Variants in IGF1R observed in about 807,000 individuals in gnomAD.
IGF1R encodes the protein insulin-like growth factor 1 receptor.
Under a neutral mutation model 144.6 loss-of-function variants are expected in IGF1R, and 44 were observed. That is an observed-to-expected ratio of 0.30 (90% CI 0.24 to 0.39). IGF1R has a LOEUF of 0.39. Ranked by LOEUF, IGF1R falls within the 10% of genes least tolerant of loss-of-function variation. The pLI is 1.00. For missense variants in IGF1R, 1,355 were observed against 1,833.7 expected (o/e 0.74, Z 4.77); for synonymous variants, 795 against 722.8 (o/e 1.10, Z -1.60).
chr15:98,778,199 A>C (rs2055768694), intron 2 of IGF1R, among the ~76,000 whole-genome samples: 1 of 152,192 alleles, frequency 6.6e-6, no homozygotes, highest in Non-Finnish European at 1.5e-5. Context: ...GAAGATGCAA[A>C]GCCTGTACGT....
Position 98,707,854 on chromosome 15 carries a change from G to A in IGF1R, c.387G>A (p.Gly129=). The A allele has an allele frequency of 2.5e-6, 4 of 1,614,162 alleles. No homozygotes were observed. Among genetic ancestry groups the A allele is most frequent in the Non-Finnish European group, 3.4e-6 (4 of 1,180,010 alleles). ...IFEMTNLKDI[G]LYNLRNITRG... ...AGATGACCAATCTCAAGGATATTGG[G>A]CTTTACAACCTGAGGAACATTACTC... The change falls in exon 2 of 21, where the codon GGG becomes GGA. Residue 129 remains glycine (G), a synonymous_variant. Transcript: ENST00000650285. The surrounding 1 kb of genome is among the most constrained non-coding windows in gnomAD (Gnocchi z 6.7).
chr15:98,674,124 G>C (rs2141201779), intron 1 of IGF1R, among the ~76,000 whole-genome samples: 1 of 68,102 alleles, frequency 1.5e-5, no homozygotes, highest in East Asian at 7.1e-4. Context: ...TTGAGAGAGT[G>C]GGTTTCAGAC....
chr15:98,924,222 C>G (rs2015613129), intron 12 of IGF1R, among the ~76,000 whole-genome samples: 2 of 152,258 alleles, frequency 1.3e-5, no homozygotes, highest in African/African-American at 2.4e-5. Context: ...TTTTTGCCCT[C>G]AAGAAACGAT....
intron 13 of IGF1R, among the ~76,000 whole-genome samples, chr15:98,928,449 C>T (rs2015811618): frequency 6.6e-6 from 1 of 152,220 alleles, no homozygotes; most frequent in African/African-American, 2.4e-5. Context: ...CGAATCTGAT[C>T]AGTTCACTGC....
chr15:98,878,886 C>T (rs1044244383), intron 2 of IGF1R, among the ~76,000 whole-genome samples: 9 of 151,968 alleles, frequency 5.9e-5, no homozygotes, highest in Non-Finnish European at 7.4e-5. Flanking sequence ...ATCCCAGCTA[C>T]TCGGGAAGCT....
chr15:98,896,807 A>C lies in IGF1R; in HGVS notation c.1004A>C (p.Glu335Ala), dbSNP rs775187230. 1 of 1,614,026 alleles carries C rather than the reference A, an allele frequency of 6.2e-7. No individual in the cohort carries two copies. ...CCTTGCCCGAAGGTCTGTGAGGAAG[A>C]AAAGAAAACAAAGACCATTGATTCT... ...EGPCPKVCEE[E>A]KKTKTIDSVT... Residue 335 changes from glutamate (E) to alanine (A), a missense_variant, in exon 4 of 21, where the codon GAA (glutamate) becomes GCA (alanine). Around this residue, in one of 7 missense-constraint regions of IGF1R, gnomAD observed 880 missense variants for 1,202.7 expected, o/e 0.73. Coordinates refer to ENST00000650285, the MANE Select transcript of IGF1R (RefSeq NM_000875.5).
chr15:98,791,931 A>G (rs763228303), intron 2 of IGF1R, among the ~76,000 whole-genome samples: 1 of 152,240 alleles, frequency 6.6e-6, no homozygotes, highest in Non-Finnish European at 1.5e-5. Context: ...AATCTGCTCT[A>G]ATATCCTCCA....
At position 98,960,151 on chromosome 15, in the gene IGF1R, A is replaced by G. The variant is rs1412573464; in HGVS notation, c.*2709A>G. The G allele has an allele frequency of 8.6e-6, 2 of 233,620 alleles. No individual in the cohort carries two copies. The highest frequency in any genetic ancestry group is 1.7e-5 in the Non-Finnish European group (2 of 118,060). 14.5% of individuals were successfully genotyped at this position (233,620 alleles called of 1,614,324 possible). The stretch of plus-strand genomic sequence containing the variant: ...CTGACAATAGGCCGTTGATACTGGT[A>G]ACCTCATCCACGCCACAGGCGCCAC... On this transcript the variant is annotated 3_prime_UTR_variant, in exon 21 of 21. Transcript: ENST00000650285.
intron 2 of IGF1R, among the ~76,000 whole-genome samples, chr15:98,850,349 C>T (rs1055373538): frequency 1.3e-5 from 2 of 152,190 alleles, no homozygotes; most frequent in African/African-American, 4.8e-5. Flanking sequence ...CAGAGAAGGA[C>T]CCTGTGGCAG....
chr15:98,788,060 C>CTGTG (rs1275022774), intron 2 of IGF1R, among the ~76,000 whole-genome samples: 43 of 130,708 alleles, frequency 3.3e-4, no homozygotes, highest in East Asian at 9.2e-4. Context: ...CTCTCTCTCT[C>CTGTG]TCTGTGTGTG....
intron 2 of IGF1R, among the ~76,000 whole-genome samples, chr15:98,748,490 A>G (rs2054924615): frequency 6.6e-6 from 1 of 152,174 alleles, no homozygotes; most frequent in Non-Finnish European, 1.5e-5. Context: ...ACACTTTCAC[A>G]CCTTTTAATT....
intron 2 of IGF1R, among the ~76,000 whole-genome samples, chr15:98,866,111 C>T (rs1285121160): frequency 1.3e-5 from 2 of 152,210 alleles, no homozygotes; most frequent in Admixed American, 6.5e-5. Context: ...AGGATACGTG[C>T]GGGCGTTCTC....
At chr15:98,788,427 A>C (rs559811188) in intron 2 of IGF1R, among the ~76,000 whole-genome samples, 1 of 152,200 alleles carries the variant, frequency 6.6e-6, no homozygotes, top group African/African-American at 2.4e-5. Flanking sequence ...TTGTCTGCTA[A>C]GTCACAGGCT....
chr15:98,961,508 C>T lies in IGF1R; in HGVS notation c.*4066C>T, dbSNP rs553790158. On this transcript the variant is annotated 3_prime_UTR_variant, in exon 21 of 21. Transcript: ENST00000650285. Reference sequence around the variant, plus strand: ...TCATCTATCCACAGTTCTAGCCTAACTTCATGCTGATTTCTCTGCCTCTTG... The same window carrying T: ...TCATCTATCCACAGTTCTAGCCTAATTTCATGCTGATTTCTCTGCCTCTTG... The T allele has an allele frequency of 8.6e-6, 2 of 233,618 alleles. No homozygotes were observed. The highest frequency in any genetic ancestry group is 3.6e-4 in the South Asian group (2 of 5,528). The allele number at this position is 233,618 out of a possible 1,614,324, so 14.5% of individuals were successfully genotyped here.
At chr15:98,926,749 C>T (rs2015736906) in intron 13 of IGF1R, among the ~76,000 whole-genome samples, 1 of 152,148 alleles carries the variant, frequency 6.6e-6, no homozygotes, top group African/African-American at 2.4e-5. Context: ...TGGCACTGTT[C>T]CTGGGTTCAG....
At position 98,864,799 on chromosome 15, in the gene IGF1R, T is replaced by G. The variant is rs577342238; in HGVS notation, c.641-26526T>G. 2.0e-5 allele frequency among the ~76,000 whole-genome samples: 3 copies of G among 152,380 alleles called. No individual in the cohort carries two copies. In the South Asian group the frequency reaches 6.2e-4, roughly 32 times the overall value. On this transcript the variant is annotated intron_variant, in intron 2 of 20. Coordinates refer to ENST00000650285, the MANE Select transcript of IGF1R (RefSeq NM_000875.5). ...TTAAAATAAAAAAGATTTATACTCC[T>G]CAAGTGTAACATTTTATCAAATCTC...
chr15:98,912,803 A>G (rs1179076446), intron 7 of IGF1R, among the ~76,000 whole-genome samples: 1 of 152,256 alleles, frequency 6.6e-6, no homozygotes, highest in Non-Finnish European at 1.5e-5. Flanking sequence ...AATAGTAACT[A>G]TTGAATCCCA....
intron 2 of IGF1R, among the ~76,000 whole-genome samples, chr15:98,732,075 A>C (rs1327008177): frequency 6.6e-6 from 1 of 152,206 alleles, no homozygotes; most frequent in Admixed American, 6.5e-5. Context: ...GGATCTGAAG[A>C]TGAATAGACA....
In IGF1R at chr15:98,935,542, G is replaced by A; in HGVS notation, c.3297+116G>A. 1 of 738,708 alleles carries A rather than the reference G, an allele frequency of 1.4e-6. No individual in the cohort carries two copies. 45.8% of individuals were successfully genotyped at this position (738,708 alleles called of 1,614,324 possible). ...ATCAGTTTACTTTCCAGCATCCAGT[G>A]TTTCTTACTGCATGCTCAGTTGTAG... On this transcript the variant is annotated intron_variant, in intron 17 of 20. Coordinates refer to ENST00000650285, the MANE Select transcript of IGF1R (RefSeq NM_000875.5). This position sits in a 1 kb window ranked among gnomAD's most constrained non-coding sequence, Gnocchi z 4.2.
Sources: gnomAD v4.1 joint callset for allele counts (sites outside exome capture counted in the v4.1 genomes callset) on GRCh38, gnomAD v4.1.1 for gene constraint, gnomAD v4.1.1 regional missense constraint, Gnocchi (gnomAD v3.1) non-coding constraint, MANE v1.5 for transcripts, NCBI Gene and HGNC (gene_info 2026-07-23, HGNC 2026-07-21) for gene names.